The following ANKHD1 variants were observed in gnomAD, a reference collection of about 807,000 sequenced individuals.
The protein encoded by ANKHD1 is ankyrin repeat and KH domain containing 1, also known as ankyrin repeat and KH domain-containing protein 1.
In ANKHD1, 31 loss-of-function variants were observed where a neutral mutation model predicts 230.5. The observed-to-expected ratio is 0.13, with a 90% CI of 0.10 to 0.18. ANKHD1 has a LOEUF of 0.18. Among genes scored for constraint, ANKHD1 ranks in the 10% least tolerant of loss-of-function variants. ANKHD1 has a pLI of 1.00. For missense variants in ANKHD1, 2,256 were observed against 3,071.3 expected, an observed-to-expected ratio of 0.73 and a Z score of 6.27; for synonymous variants, 1,074 against 1,117.6, an observed-to-expected ratio of 0.96 and a Z score of 0.78.
rs531334831 is a variant in ANKHD1 at position 140,404,516 on chromosome 5, C to G, written c.306+2243C>G. On this transcript the variant is annotated intron_variant, in intron 1 of 33. Coordinates refer to ENST00000360839, the MANE Select transcript of ANKHD1 (RefSeq NM_017747.3). Reference sequence around the variant, plus strand: ...GGCTCGATCTTGGCTCACTGCAACCCCCGTCTCCCAGGTTCAAGCTATTTT... The same window carrying G: ...GGCTCGATCTTGGCTCACTGCAACCGCCGTCTCCCAGGTTCAAGCTATTTT... Among the ~76,000 whole-genome samples, 12 of 151,560 alleles carry G rather than the reference C, an allele frequency of 7.9e-5. No homozygotes were observed. In the East Asian group the frequency reaches 2.3e-3, roughly 29 times the overall value.
intron 1 of ANKHD1, among the ~76,000 whole-genome samples, chr5:140,408,374 A>G (rs1236341715): frequency 6.6e-6 from 1 of 152,156 alleles, no homozygotes; most frequent in Non-Finnish European, 1.5e-5. Flanking sequence ...CTATGTATAT[A>G]TGTATATATG....
intron 10 of ANKHD1, among the ~76,000 whole-genome samples, chr5:140,477,915 A>G (rs1444069092): frequency 6.6e-6 from 1 of 152,158 alleles, no homozygotes; most frequent in African/African-American, 2.4e-5. Context: ...AAGCCAGGAA[A>G]ATACTTTTAT....
chr5:140,513,762 T>C (rs1752862525), intron 24 of ANKHD1, among the ~76,000 whole-genome samples: 1 of 145,942 alleles, frequency 6.9e-6, no homozygotes, highest in Middle Eastern at 3.8e-3. Flanking sequence ...TGAGTCGAGA[T>C]CGTGCCACTG....
At chr5:140,461,572 A>G (rs1040618652) in intron 9 of ANKHD1, among the ~76,000 whole-genome samples, 2 of 152,198 alleles carry the variant, frequency 1.3e-5, no homozygotes, top group African/African-American at 2.4e-5. Flanking sequence ...CTAAGAATCC[A>G]TCACCTAGTT....
intron 15 of ANKHD1, 116 bp from the exon 16 acceptor site, chr5:140,504,705 T>G: frequency 1.5e-6 from 2 of 1,348,266 alleles, no homozygotes; most frequent in Non-Finnish European, 9.9e-7. Context: ...CCAAAGCTTG[T>G]GATTTTACTA....
At chr5:140,452,844 A>C (rs896637407) in intron 7 of ANKHD1, among the ~76,000 whole-genome samples, 7 of 152,274 alleles carry the variant, frequency 4.6e-5, no homozygotes, top group Admixed American at 4.6e-4. Flanking sequence ...GCTCCTCACC[A>C]GCAACGGAAC....
At chr5:140,417,650 A>G (rs1270005700) in intron 1 of ANKHD1, among the ~76,000 whole-genome samples, 1 of 151,810 alleles carries the variant, frequency 6.6e-6, no homozygotes, top group Non-Finnish European at 1.5e-5. Flanking sequence ...GGGCTTTGCC[A>G]TGTTGCCCAG....
chr5:140,528,557 C>G lies in ANKHD1; in HGVS notation c.5611C>G (p.Arg1871Gly). The change falls in exon 29 of 34, where the codon CGC becomes GGC. Residue 1871 changes from arginine (R) to glycine (G), a missense_variant. This residue lies in a region of ANKHD1 where 778 missense variants were observed against 966.5 expected (regional missense o/e 0.80). Transcript: ENST00000360839. The part of the protein sequence containing the change: ...AQTMQQIRHP[R>G]LPMAQFGGTF... ...AACTATGCAACAGATTCGGCATCCT[C>G]GCTTACCCATGGCCCAGTTTGGAGG... 1 of 1,614,230 alleles carries G rather than the reference C, an allele frequency of 6.2e-7. No homozygotes were observed. The highest frequency in any genetic ancestry group is 1.1e-5 in the South Asian group (1 of 91,084).
chr5:140,480,269 A>G (rs1045802320), intron 10 of ANKHD1, among the ~76,000 whole-genome samples: 4 of 152,104 alleles, frequency 2.6e-5, no homozygotes, highest in African/African-American at 9.7e-5. Context: ...CACCCCTTTT[A>G]TTTCAGGAAT....
chr5:140,491,699 T>G (rs1157679576), intron 14 of ANKHD1, among the ~76,000 whole-genome samples: 1 of 152,184 alleles, frequency 6.6e-6, no homozygotes, highest in Non-Finnish European at 1.5e-5. Flanking sequence ...AATGCTTTGA[T>G]GAAAATATTT....
chr5:140,535,892 TAA>T (rs66796784), intron 30 of ANKHD1: 6,245 of 104,830 alleles, frequency 0.06, 535 homozygotes, highest in African/African-American at 0.2. Context: ...CTGTCTCTAT[TAA>T]AAAAAAAAAA....
intron 22 of ANKHD1, among the ~76,000 whole-genome samples, chr5:140,511,669 G>A (rs904695288): frequency 6.6e-6 from 1 of 152,202 alleles, no homozygotes; most frequent in Non-Finnish European, 1.5e-5. Context: ...TATATACCCA[G>A]TTGTTTAGCA....
intron 7 of ANKHD1, among the ~76,000 whole-genome samples, chr5:140,456,753 C>T (rs1775226060): frequency 6.6e-6 from 1 of 152,052 alleles, no homozygotes; most frequent in South Asian, 2.1e-4. Context: ...CCATAAAAAC[C>T]CTAGAAGAAA....
chr5:140,404,875 A>G (rs1031688331), intron 1 of ANKHD1, among the ~76,000 whole-genome samples: 2 of 151,228 alleles, frequency 1.3e-5, no homozygotes, highest in Non-Finnish European at 2.9e-5. Flanking sequence ...TTGCTTTTTT[A>G]TAAGTAATAG....
chr5:140,487,013 A>C lies in ANKHD1; in HGVS notation c.2198A>C (p.Asp733Ala). 1 of 1,613,698 alleles carries C rather than the reference A, an allele frequency of 6.2e-7. No homozygotes were observed. The highest frequency in any genetic ancestry group is 8.5e-7 in the Non-Finnish European group (1 of 1,179,714). Residue 733 changes from aspartate to alanine, a missense_variant, in exon 14 of 34, where the codon GAC (aspartate) becomes GCC (alanine). Around this residue, in one of 13 missense-constraint regions of ANKHD1, gnomAD observed 358 missense variants for 397.7 expected, o/e 0.90. Transcript: ENST00000360839. ...LAMVVPPQEP[D>A]RTSQENSPAL... ...ATGGTTGTACCTCCCCAGGAACCTG[A>C]CAGAACTTCACAGGAGAACTCTCCT...
rs868026506 is a variant in ANKHD1 at position 140,517,716 on chromosome 5, G to T, written c.4317+4237G>T. On this transcript the variant is annotated intron_variant, in intron 24 of 33. Transcript: ENST00000360839. Reference sequence around the variant, plus strand: ...CTGGGTACATAACGAAATGAAGGCAGAAATAAAGATGTTCTTTGAAACCAA... The same window carrying T: ...CTGGGTACATAACGAAATGAAGGCATAAATAAAGATGTTCTTTGAAACCAA... Among the ~76,000 whole-genome samples the T allele has an allele frequency of 8.1e-3, 1,184 of 146,396 alleles. 9 individuals are homozygous for T. Among genetic ancestry groups the T allele is most frequent in the African/African-American group, 0.029 (1,125 of 39,212 alleles).
At chr5:140,480,139 A>G (rs1232443198) in intron 10 of ANKHD1, among the ~76,000 whole-genome samples, 1 of 151,978 alleles carries the variant, frequency 6.6e-6, no homozygotes, top group Non-Finnish European at 1.5e-5. Context: ...TAAGACACAA[A>G]ATGTTGTAAT....
chr5:140,526,060 A>C lies in ANKHD1; in HGVS notation c.4557A>C (p.Ala1519=), dbSNP rs1468509384. The C allele has an allele frequency of 1.2e-6, 2 of 1,612,312 alleles. No individual in the cohort carries two copies. The highest frequency in any genetic ancestry group is 2.2e-5 in the South Asian group (2 of 90,602). The change falls in exon 26 of 34, where the codon GCA becomes GCC. Residue 1519 remains alanine (A), a synonymous_variant. Coordinates refer to ENST00000360839, the MANE Select transcript of ANKHD1 (RefSeq NM_017747.3). Reference sequence around the variant, plus strand: ...CCACCACTACGATTGGAATCTCTGCAACATCTGCAACATTCACAAATGTGT... The same window carrying C: ...CCACCACTACGATTGGAATCTCTGCCACATCTGCAACATTCACAAATGTGT... ...ATTTTTIGIS[A]TSATFTNVFG...
At position 140,529,546 on chromosome 5, in the gene ANKHD1, G is replaced by T; in HGVS notation, c.6600G>T (p.Leu2200Phe). ...QMHINPANKS[L>F]PPTFGPATLF... The stretch of plus-strand genomic sequence containing the variant: ...ACATAAACCCAGCAAATAAGTCTTT[G>T]CCACCTACATTTGGCCCAGCCACAC... Residue 2200 changes from leucine (L) to phenylalanine (F), a missense_variant, in exon 29 of 34, where the codon TTG (leucine) becomes TTT (phenylalanine). Transcript: ENST00000360839. 6.2e-7 allele frequency: 1 copy of T among 1,614,180 alleles called. No homozygotes were observed. Among genetic ancestry groups the T allele is most frequent in the Non-Finnish European group, 8.5e-7 (1 of 1,180,044 alleles).
Sources: allele counts gnomAD v4.1 joint callset (sites outside exome capture counted in the v4.1 genomes callset), GRCh38; gene constraint gnomAD v4.1.1; regional missense constraint gnomAD v4.1.1; transcripts MANE v1.5; gene names NCBI Gene and HGNC (gene_info 2026-07-23, HGNC 2026-07-21).